Variants in ADAMTS19 observed in about 807,000 individuals in gnomAD.
The protein encoded by ADAMTS19 is ADAM metallopeptidase with thrombospondin type 1 motif 19.
In ADAMTS19, 93 loss-of-function variants were observed where a neutral mutation model predicts 153.3. The ratio of observed to expected loss-of-function variants is 0.61; its 90% CI spans 0.51 to 0.72. The LOEUF (loss-of-function observed/expected upper bound fraction) is 0.72. Among genes scored for constraint, ADAMTS19 ranks in the 30% least tolerant of loss-of-function variants. The pLI, the probability that ADAMTS19 is intolerant of heterozygous loss-of-function variation, is 0.00. For missense variants in ADAMTS19, 1,482 were observed against 1,552.1 expected (o/e 0.95, Z 0.76); for synonymous variants, 600 against 556.6 (o/e 1.08, Z -1.10).
At chr5:129,462,611 GT>G (rs1475703618) in intron 2 of ADAMTS19, among the ~76,000 whole-genome samples, 12 of 149,654 alleles carry the variant, frequency 8.0e-5, no homozygotes, top group African/African-American at 1.5e-4. Context: ...GTGTGTGTGT[GT>G]GTGTGGGGGG....
At chr5:129,504,589 GC>G (rs918652887) in intron 2 of ADAMTS19, among the ~76,000 whole-genome samples, 1 of 152,016 alleles carries the variant, frequency 6.6e-6, no homozygotes, top group Non-Finnish European at 1.5e-5. Flanking sequence ...ACCATGTCGT[GC>G]AGTAAATCTC....
intron 8 of ADAMTS19, among the ~76,000 whole-genome samples, chr5:129,599,775 G>A (rs964620582): frequency 2.0e-5 from 3 of 152,120 alleles, no homozygotes; most frequent in African/African-American, 4.8e-5. Flanking sequence ...CAAATGGTAC[G>A]AAAATATTAT....
At position 129,720,158 on chromosome 5, in the gene ADAMTS19, A is replaced by G. The variant is rs1217859493; in HGVS notation, c.3313-14774A>G. Among the ~76,000 whole-genome samples the G allele has an allele frequency of 2.5e-3, 349 of 140,688 alleles. 3 individuals carry two copies. Among genetic ancestry groups the G allele is most frequent in the African/African-American group, 9.4e-3 (331 of 35,236 alleles). 92.3% of individuals were successfully genotyped at this position (140,688 alleles called of 152,430 possible). ...ACAGTATGTGTGTATGTATATATAT[A>G]TATATATATATATTTATTTTTTTTT... On this transcript the variant is annotated intron_variant, in intron 21 of 22. Coordinates refer to ENST00000274487, the MANE Select transcript of ADAMTS19 (RefSeq NM_133638.6).
chr5:129,596,737 A>T (rs1750398457), intron 8 of ADAMTS19, 73 bp downstream of exon 8: 2 of 1,100,950 alleles, frequency 1.8e-6, no homozygotes, highest in African/African-American at 1.6e-5. Flanking sequence ...AATTACCTGG[A>T]TATCTTCTGA....
intron 6 of ADAMTS19, 77 bp from the exon 7 acceptor site, chr5:129,551,787 A>C (rs1034298796): frequency 2.4e-6 from 2 of 847,640 alleles, no homozygotes; most frequent in African/African-American, 3.5e-5. Context: ...TCATATAACT[A>C]TTAAAAATGA....
At chr5:129,536,161 A>T (rs973724487) in intron 6 of ADAMTS19, among the ~76,000 whole-genome samples, 1 of 152,202 alleles carries the variant, frequency 6.6e-6, no homozygotes, top group Non-Finnish European at 1.5e-5. Context: ...CAACCTACTC[A>T]TCTGACAAAG....
At chr5:129,463,607 G>C (rs769733856) in intron 2 of ADAMTS19, among the ~76,000 whole-genome samples, 1 of 152,124 alleles carries the variant, frequency 6.6e-6, no homozygotes, top group Non-Finnish European at 1.5e-5. Context: ...CAAGAAGGGT[G>C]GGTTTGTTAC....
chr5:129,632,402 CAA>C (rs1364847406), intron 10 of ADAMTS19, among the ~76,000 whole-genome samples: 1 of 151,716 alleles, frequency 6.6e-6, no homozygotes, highest in African/African-American at 2.4e-5. Flanking sequence ...GTAGACCATA[CAA>C]TAAAATTGTA....
intron 21 of ADAMTS19, among the ~76,000 whole-genome samples, chr5:129,722,798 C>T: frequency 6.6e-6 from 1 of 152,094 alleles, no homozygotes; most frequent in South Asian, 2.1e-4. Context: ...TCACTTTTCT[C>T]GTGTTATTTA....
chr5:129,525,335 T>G (rs1467756612), intron 3 of ADAMTS19, among the ~76,000 whole-genome samples: 1 of 152,152 alleles, frequency 6.6e-6, no homozygotes, highest in Non-Finnish European at 1.5e-5. Flanking sequence ...TCTTTAATTT[T>G]AACTTATTCC....
chr5:129,614,529 C>T (rs546899674), intron 8 of ADAMTS19, among the ~76,000 whole-genome samples: 42 of 152,112 alleles, frequency 2.8e-4, no homozygotes, highest in African/African-American at 8.9e-4. Flanking sequence ...CTTGATGGGA[C>T]GTATCTCAAA....
intron 2 of ADAMTS19, among the ~76,000 whole-genome samples, chr5:129,488,939 G>A (rs1458715190): frequency 6.6e-6 from 1 of 151,818 alleles, no homozygotes; most frequent in Non-Finnish European, 1.5e-5. Context: ...AAAATATATT[G>A]GCCCAATTGG....
intron 21 of ADAMTS19, among the ~76,000 whole-genome samples, chr5:129,717,149 C>T (rs1173843813): frequency 6.6e-6 from 1 of 152,160 alleles, no homozygotes; most frequent in Non-Finnish European, 1.5e-5. Context: ...TAGTTTTTCA[C>T]AATTATTGTC....
chr5:129,596,086 T>A (rs1396197304), intron 7 of ADAMTS19, among the ~76,000 whole-genome samples: 1 of 152,056 alleles, frequency 6.6e-6, no homozygotes, highest in East Asian at 1.9e-4. Flanking sequence ...ATTTCATAAA[T>A]AGAATTTCAC....
At chr5:129,681,595 G>T (rs1325124871) in intron 17 of ADAMTS19, among the ~76,000 whole-genome samples, 1 of 152,120 alleles carries the variant, frequency 6.6e-6, no homozygotes, top group Non-Finnish European at 1.5e-5. Context: ...TGTGCTCAGT[G>T]TTGTCCAATA....
intron 18 of ADAMTS19, among the ~76,000 whole-genome samples, chr5:129,693,127 G>A (rs1361697051): frequency 2.6e-5 from 4 of 152,080 alleles, no homozygotes; most frequent in Non-Finnish European, 5.9e-5. Context: ...ACTACAAATT[G>A]CGGTAGGACT....
intron 15 of ADAMTS19, among the ~76,000 whole-genome samples, chr5:129,661,954 C>T (rs534903000): frequency 1.2e-3 from 187 of 152,186 alleles, no homozygotes; most frequent in African/African-American, 4.1e-3. Context: ...AGGAAGTGAA[C>T]AGGAGAAACA....
chr5:129,620,068 T>C (rs926034393), intron 8 of ADAMTS19, among the ~76,000 whole-genome samples: 5 of 151,996 alleles, frequency 3.3e-5, no homozygotes, highest in Admixed American at 1.3e-4. Context: ...ACTTTTAGAA[T>C]AGAATTTCAA....
intron 6 of ADAMTS19, 24 bp downstream of exon 6, chr5:129,528,701 A>T: frequency 6.4e-7 from 1 of 1,561,104 alleles, no homozygotes; most frequent in Non-Finnish European, 8.7e-7. Context: ...TGCCAATTAA[A>T]TGGCATTCCT....
Sources: gnomAD v4.1 joint callset for allele counts (sites outside exome capture counted in the v4.1 genomes callset) on GRCh38, gnomAD v4.1.1 for gene constraint, MANE v1.5 for transcripts, NCBI Gene and HGNC (gene_info 2026-07-23, HGNC 2026-07-21) for gene names.